The following CENPP variants were observed in gnomAD, a reference collection of about 807,000 sequenced individuals.
CENPP encodes the protein centromere protein P.
A neutral mutation model predicts 35.6 loss-of-function variants in CENPP; 24 were observed. That is an observed-to-expected ratio of 0.67 (90% CI 0.49 to 0.95). The LOEUF (loss-of-function observed/expected upper bound fraction) is 0.95, where lower values mean the gene tolerates loss of function less well. Among genes scored for constraint, CENPP ranks in the 40% least tolerant of loss-of-function variants. The pLI, the probability that CENPP is intolerant of heterozygous loss-of-function variation, is 0.00. For synonymous variants in CENPP, 120 were observed against 125.5 expected (o/e 0.96, Z 0.29); for missense variants, 332 against 345.3 (o/e 0.96, Z 0.31).
intron 5 of CENPP, among the ~76,000 whole-genome samples, chr9:92,491,527 T>C (rs1272410438): frequency 6.6e-6 from 1 of 152,086 alleles, no homozygotes; most frequent in East Asian, 1.9e-4. Context: ...TCCTTGCCTG[T>C]GCATTCAGCT....
chr9:92,345,677 G>T, intron 3 of CENPP, 22 bp from the exon 4 acceptor site: 1 of 1,391,200 alleles, frequency 7.2e-7, no homozygotes, highest in Non-Finnish European at 1.0e-6. Flanking sequence ...CTTTGATACA[G>T]AAATTTTTAT....
rs145987742 is a variant in CENPP at position 92,550,546 on chromosome 9, G to GT, written c.565-60758dup. ...TGATATAACAAGTTTTCTTAGACCT[G>GT]TTTTTTTTTTGTTTAGACTTTGTTT... is the stretch of plus-strand genomic sequence containing the variant. On this transcript the variant is annotated intron_variant, in intron 5 of 7. Transcript: ENST00000375587. Among the ~76,000 whole-genome samples, 927 of 147,996 alleles carry GT rather than the reference G, an allele frequency of 6.3e-3. 14 individuals carry two copies. The highest frequency in any genetic ancestry group is 0.019 in the African/African-American group (779 of 40,434).
At chr9:92,575,771 C>T (rs1400931967) in intron 5 of CENPP, among the ~76,000 whole-genome samples, 3 of 151,764 alleles carry the variant, frequency 2.0e-5, no homozygotes, top group Non-Finnish European at 4.4e-5. Flanking sequence ...GAGATTGCAC[C>T]ACTGCTCTCC....
At position 92,531,974 on chromosome 9, in the gene CENPP, C is replaced by G. The variant is rs548348060; in HGVS notation, c.565-79340C>G. ...CCTAGCTTCCAGTATTTTATTGTTG[C>G]CTTCTTCCCACCTACTTTTCTTTTT... On this transcript the variant is annotated intron_variant, in intron 5 of 7. Transcript: ENST00000375587. 1.1e-4 allele frequency among the ~76,000 whole-genome samples: 16 copies of G among 147,698 alleles called. 1 individual carries two copies. Among genetic ancestry groups the G allele is most frequent in the African/African-American group, 4.1e-4 (16 of 39,354 alleles).
intron 2 of CENPP, among the ~76,000 whole-genome samples, chr9:92,334,026 A>G (rs1409215457): frequency 2.0e-5 from 3 of 151,866 alleles, no homozygotes; most frequent in African/African-American, 7.3e-5. Context: ...ATTCTTTTAA[A>G]TTCTCCATTT....
chr9:92,330,619 C>T (rs1216120015), intron 1 of CENPP, among the ~76,000 whole-genome samples: 1 of 151,176 alleles, frequency 6.6e-6, no homozygotes, highest in Non-Finnish European at 1.5e-5. Flanking sequence ...AAAAAAAATA[C>T]CATCTAATAC....
chr9:92,326,168 A>G, intron 1 of CENPP, 63 bp downstream of exon 1: 1 of 1,064,252 alleles, frequency 9.4e-7, no homozygotes, highest in Non-Finnish European at 1.4e-6. Context: ...AGGCGGGTGA[A>G]TCTCCACAGA....
At chr9:92,612,465 C>T in intron 6 of CENPP, 58 bp from the exon 7 acceptor site, 1 of 1,376,780 alleles carries the variant, frequency 7.3e-7, no homozygotes. Flanking sequence ...CTCATGGTTG[C>T]TAATCTTTTC....
At chr9:92,594,983 G>A (rs1349946421) in intron 5 of CENPP, among the ~76,000 whole-genome samples, 5 of 135,566 alleles carry the variant, frequency 3.7e-5, no homozygotes, top group Admixed American at 8.6e-5. Flanking sequence ...TGCAACCTCC[G>A]CCTCCCAGGT....
chr9:92,423,805 A>T (rs1042293804), intron 5 of CENPP, among the ~76,000 whole-genome samples: 1 of 152,160 alleles, frequency 6.6e-6, no homozygotes, highest in Non-Finnish European at 1.5e-5. Context: ...TCAACCCCCC[A>T]ACCGGAATCA....
chr9:92,489,972 A>G (rs1846140320), intron 5 of CENPP, among the ~76,000 whole-genome samples: 1 of 152,184 alleles, frequency 6.6e-6, no homozygotes, highest in African/African-American at 2.4e-5. Context: ...CACTATATTC[A>G]ATACCAATCT....
upstream of CENPP, chr9:92,325,608 G>A (rs1428303015): frequency 5.0e-6 from 1 of 198,148 alleles, no homozygotes; most frequent in Non-Finnish European, 1.1e-5. Context: ...GGAAGTAGGT[G>A]AAAAAAATAA....
At chr9:92,521,845 G>A (rs1848088984) in intron 5 of CENPP, among the ~76,000 whole-genome samples, 1 of 152,008 alleles carries the variant, frequency 6.6e-6, no homozygotes, top group African/African-American at 2.4e-5. Flanking sequence ...ATTTATTTCT[G>A]TATTCTAGAT....
chr9:92,597,544 T>C (rs931701101), intron 5 of CENPP, among the ~76,000 whole-genome samples: 6 of 152,266 alleles, frequency 3.9e-5, no homozygotes, highest in Admixed American at 6.5e-5. Context: ...AATATTACTT[T>C]CATTATCTGT....
At chr9:92,546,595 G>A (rs150983539) in intron 5 of CENPP, among the ~76,000 whole-genome samples, 3 of 151,962 alleles carry the variant, frequency 2.0e-5, no homozygotes, top group East Asian at 1.9e-4. Context: ...CCACCAGAAG[G>A]AAAAAACTCC....
intron 5 of CENPP, among the ~76,000 whole-genome samples, chr9:92,480,845 G>A (rs1845888039): frequency 6.6e-6 from 1 of 151,918 alleles, no homozygotes; most frequent in Non-Finnish European, 1.5e-5. Flanking sequence ...AAATTCAGAT[G>A]TAATCAAGGC....
chr9:92,408,750 T>A (rs1843372308), intron 5 of CENPP, among the ~76,000 whole-genome samples: 1 of 152,134 alleles, frequency 6.6e-6, no homozygotes, highest in Non-Finnish European at 1.5e-5. Context: ...CCCTACTTTG[T>A]GATGACCAAA....
intron 4 of CENPP, among the ~76,000 whole-genome samples, chr9:92,371,138 ATTCTT>A (rs2130852359): frequency 6.6e-6 from 1 of 151,820 alleles, no homozygotes; most frequent in South Asian, 2.1e-4. Context: ...ATCTTTTGAA[ATTCTT>A]TTCTTCTGCT....
chr9:92,331,731 C>T (rs774213971), intron 1 of CENPP, among the ~76,000 whole-genome samples: 11 of 152,190 alleles, frequency 7.2e-5, no homozygotes, highest in South Asian at 2.1e-4. Context: ...GAGACTGAGG[C>T]GGGAGGATTG....
Sources: allele counts gnomAD v4.1 joint callset (sites outside exome capture counted in the v4.1 genomes callset), GRCh38; gene constraint gnomAD v4.1.1; transcripts MANE v1.5; gene names NCBI Gene and HGNC (gene_info 2026-07-23, HGNC 2026-07-21).